GRIK5: variants seen among roughly 807,000 people sequenced by gnomAD.
GRIK5 encodes the protein glutamate ionotropic receptor kainate type subunit 5.
Under a neutral mutation model 97.4 loss-of-function variants are expected in GRIK5, and 43 were observed. That is an observed-to-expected ratio of 0.44 (90% CI 0.35 to 0.57). The LOEUF (loss-of-function observed/expected upper bound fraction) is 0.57. Among genes scored for constraint, GRIK5 ranks in the 20% least tolerant of loss-of-function variants. The probability of loss-of-function intolerance (pLI) is 0.01; values close to 1 mark genes in which losing one functional copy is unlikely to be tolerated. For missense variants in GRIK5, 1,015 were observed against 1,382.0 expected, an observed-to-expected ratio of 0.73 and a Z score of 4.21; for synonymous variants, 580 against 583.5, an observed-to-expected ratio of 0.99 and a Z score of 0.09.
Position 42,006,376 on chromosome 19 carries a change from C to T in GRIK5, c.2037+269G>A, listed in dbSNP as rs953094505. On this transcript the variant is annotated intron_variant, in intron 16 of 19. Coordinates refer to ENST00000593562, the MANE Select transcript of GRIK5 (RefSeq NM_002088.5). This position sits in a 1 kb window ranked among gnomAD's most constrained non-coding sequence, Gnocchi z 5.3. ...CTCTGTCAGCCCATATTCCTGGTCC[C>T]GACCCTTCCAGCAGCCTCCTTGATC... Among the ~76,000 whole-genome samples the T allele has an allele frequency of 1.3e-5, 2 of 152,166 alleles. No homozygotes were observed. The highest frequency in any genetic ancestry group is 6.5e-5 in the Admixed American group (1 of 15,280).
chr19:42,059,582 G>A (rs551278509), intron 5 of GRIK5, 55 bp from the exon 6 acceptor site: 21 of 1,454,602 alleles, frequency 1.4e-5, no homozygotes, highest in South Asian at 4.7e-5. Context: ...CAGGCATGGC[G>A]TAGACACTCT....
chr19:42,051,408 C>A (rs991805623), intron 11 of GRIK5, among the ~76,000 whole-genome samples: 1 of 152,152 alleles, frequency 6.6e-6, no homozygotes, highest in Non-Finnish European at 1.5e-5. Flanking sequence ...CTAGCAGCAT[C>A]CCTCATGGGC....
rs782390593 is a variant in GRIK5 at position 42,003,671 on chromosome 19, C to T, written c.2276G>A (p.Arg759Gln). ...GIGMPLGSPF[R>Q]DEITLAILQL... is the part of the protein sequence containing the mutation. The stretch of plus-strand genomic sequence containing the variant: ...CAGGATGGCCAGTGTGATCTCATCC[C>T]GGAACGGGGAGCCTGGGCAGGCACA... Residue 759 changes from arginine (R) to glutamine (Q), a missense_variant, in exon 18 of 20, where the codon CGG (arginine) becomes CAG (glutamine). Physicochemically the swap from Arg to Gln is conservative, Grantham distance 43. This residue lies in a region of GRIK5 where 229 missense variants were observed against 341.0 expected (regional missense o/e 0.67). Transcript: ENST00000593562. The surrounding 1 kb of genome is among the most constrained non-coding windows in gnomAD (Gnocchi z 4.2). 3.7e-6 allele frequency: 6 copies of T among 1,611,578 alleles called. No homozygotes were observed. In the East Asian group the frequency reaches 8.9e-5, roughly 24 times the overall value.
At position 42,012,891 on chromosome 19, in the gene GRIK5, A is replaced by G. The variant is rs186900853; in HGVS notation, c.1872-6081T>C. ...CAAAAAAAAAAAAAAGGAATATTTT[A>G]TGACACATGACTTATATAAAATTCA... is the stretch of plus-strand genomic sequence containing the variant. On this transcript the variant is annotated intron_variant, in intron 15 of 19. Transcript: ENST00000593562. 3.9e-3 allele frequency among the ~76,000 whole-genome samples: 595 copies of G among 151,988 alleles called. 1 individual carries two copies. Among genetic ancestry groups the G allele is most frequent in the Non-Finnish European group, 6.2e-3 (421 of 67,962 alleles).
At position 42,022,926 on chromosome 19, in the gene GRIK5, C is replaced by T. The variant is rs1345159996; in HGVS notation, c.1474-572G>A. ...TCCTGGTCAGGAGACGACACTGGTA[C>T]CAAAGCACAACCCTGGATGAAGGAG... is the stretch of plus-strand genomic sequence containing the variant. On this transcript the variant is annotated intron_variant, in intron 12 of 19. Coordinates refer to ENST00000593562, the MANE Select transcript of GRIK5 (RefSeq NM_002088.5). This position sits in a 1 kb window ranked among gnomAD's most constrained non-coding sequence, Gnocchi z 4.2. Among the ~76,000 whole-genome samples the T allele has an allele frequency of 6.6e-6, 1 of 151,952 alleles. No individual in the cohort carries two copies. The highest frequency in any genetic ancestry group is 1.5e-5 in the Non-Finnish European group (1 of 68,004).
At position 42,003,213 on chromosome 19, in the gene GRIK5, C is replaced by T; in HGVS notation, c.2514+119G>A. 1.1e-6 allele frequency: 1 copy of T among 882,994 alleles called. No homozygotes were observed. Among genetic ancestry groups the T allele is most frequent in the East Asian group, 2.4e-5 (1 of 41,196 alleles). 54.7% of individuals were successfully genotyped at this position (882,994 alleles called of 1,614,324 possible). A position where few individuals can be genotyped will look rare whatever the true frequency, so the allele number is the denominator to read the frequency against. On this transcript the variant is annotated intron_variant, in intron 19 of 19. Coordinates refer to ENST00000593562, the MANE Select transcript of GRIK5 (RefSeq NM_002088.5). This position sits in a 1 kb window ranked among gnomAD's most constrained non-coding sequence, Gnocchi z 4.2. Reference sequence around the variant, plus strand: ...TTACTTCCCCACCTCCTGCATTCCTCTGCCCCCTTCTCGCGATCCCCACCA... The same window carrying T: ...TTACTTCCCCACCTCCTGCATTCCTTTGCCCCCTTCTCGCGATCCCCACCA...
Position 42,042,584 on chromosome 19 carries a change from A to C in GRIK5, c.1441T>G (p.Trp481Gly). 6.2e-7 allele frequency: 1 copy of C among 1,611,898 alleles called. No individual in the cohort carries two copies. Among genetic ancestry groups the C allele is most frequent in the Non-Finnish European group, 8.5e-7 (1 of 1,179,782 alleles). The change falls in exon 12 of 20, where the codon TGG (tryptophan) becomes GGG (glycine). Residue 481 changes from tryptophan to glycine, a missense_variant. By Grantham distance (184) the Trp-to-Gly change is radical (BLOSUM62 -2). Around this residue, in one of 5 missense-constraint regions of GRIK5, gnomAD observed 477 missense variants for 701.1 expected, o/e 0.68. Transcript: ENST00000593562. The surrounding 1 kb of genome is among the most constrained non-coding windows in gnomAD (Gnocchi z 6.9). ...LYGAPEPNGS[W>G]TGMVGELINR... ...ATGAGCTCGCCAACCATGCCCGTCC[A>C]GGAGCCGTTGGGCTCGGGCGCCCCG... is the stretch of plus-strand genomic sequence containing the variant.
chr19:42,065,783 C>T lies in GRIK5; in HGVS notation c.-13G>A, dbSNP rs1420833666. ...GCTCAGCCGGCATCTTCCTCCCCTCCTCATGGGGACGCAGCTGCCGCGGCC... is the reference window on the plus strand; with the variant it reads ...GCTCAGCCGGCATCTTCCTCCCCTCTTCATGGGGACGCAGCTGCCGCGGCC... On this transcript the variant is annotated 5_prime_UTR_variant, in exon 2 of 20. Transcript: ENST00000593562. The surrounding 1 kb of genome is among the most constrained non-coding windows in gnomAD (Gnocchi z 5.8). 7 of 1,562,974 alleles carry T rather than the reference C, an allele frequency of 4.5e-6. No individual in the cohort carries two copies. The highest frequency in any genetic ancestry group is 1.7e-4 in the Middle Eastern group (1 of 5,974).
At chr19:42,039,685 C>T (rs1366408203) in intron 12 of GRIK5, among the ~76,000 whole-genome samples, 1 of 152,088 alleles carries the variant, frequency 6.6e-6, no homozygotes, top group Non-Finnish European at 1.5e-5. Context: ...TATGTGCTGG[C>T]CATGCTGGTA....
At chr19:42,048,179 AG>A (rs1275549714) in intron 11 of GRIK5, among the ~76,000 whole-genome samples, 1 of 152,158 alleles carries the variant, frequency 6.6e-6, no homozygotes, top group Middle Eastern at 3.2e-3. Context: ...AAAGGAAAAA[AG>A]CTGATGAAGA....
chr19:42,058,173 G>C (rs1283333848), intron 6 of GRIK5, among the ~76,000 whole-genome samples: 1 of 151,970 alleles, frequency 6.6e-6, no homozygotes. Context: ...TGATATATGG[G>C]TTTGTTTGTT....
chr19:42,014,676 G>A (rs943154999), intron 15 of GRIK5, among the ~76,000 whole-genome samples: 4 of 152,068 alleles, frequency 2.6e-5, no homozygotes, highest in Non-Finnish European at 1.5e-5. Context: ...CCAGCTGCTT[G>A]GGAGGCTGAG....
At chr19:42,035,735 T>C (rs1423963565) in intron 12 of GRIK5, among the ~76,000 whole-genome samples, 2 of 152,112 alleles carry the variant, frequency 1.3e-5, no homozygotes, top group Non-Finnish European at 2.9e-5. Context: ...TTTAAAGATG[T>C]ACCTGTATTA....
Position 42,003,318 on chromosome 19 carries a change from CCCAG to C in GRIK5, c.2514+10_2514+13del, listed in dbSNP as rs1733989674. 6.2e-7 allele frequency: 1 copy of C among 1,607,252 alleles called. No homozygotes were observed. Reference sequence around the variant, plus strand: ...GTCCCTGTTCCTGCCCACCCCCACCCCCAGCCTCCTCACCTCCTCGGACTCAGCT... The same window carrying C: ...GTCCCTGTTCCTGCCCACCCCCACCCCCTCCTCACCTCCTCGGACTCAGCT... On this transcript the variant is annotated intron_variant, in intron 19 of 19. Transcript: ENST00000593562. The surrounding 1 kb of genome is among the most constrained non-coding windows in gnomAD (Gnocchi z 4.2).
At chr19:42,045,392 C>A (rs2076030916) in intron 11 of GRIK5, among the ~76,000 whole-genome samples, 1 of 152,244 alleles carries the variant, frequency 6.6e-6, no homozygotes, top group African/African-American at 2.4e-5. Flanking sequence ...CAGCCAGCAT[C>A]CACAGCCATT....
Position 42,042,493 on chromosome 19 carries a change from G to T in GRIK5, c.1473+59C>A, listed in dbSNP as rs1260438565. The T allele has an allele frequency of 6.1e-6, 9 of 1,465,896 alleles. No individual in the cohort carries two copies. The highest frequency in any genetic ancestry group is 8.4e-6 in the Non-Finnish European group (9 of 1,071,584). 90.8% of individuals were successfully genotyped at this position (1,465,896 alleles called of 1,614,324 possible). A position where few individuals can be genotyped will look rare whatever the true frequency, so the allele number is the denominator to read the frequency against. ...CTGAGGTTCGACTGGCTGCCCAGCT[G>T]CCCGCCCTCCCTCACTCGCCGGGTC... On this transcript the variant is annotated intron_variant, in intron 12 of 19. Transcript: ENST00000593562. This position sits in a 1 kb window ranked among gnomAD's most constrained non-coding sequence, Gnocchi z 6.9.
Position 41,999,238 on chromosome 19 carries a change from G to A in GRIK5, c.2576C>T (p.Ser859Leu), listed in dbSNP as rs1372063818. The change falls in exon 20 of 20, where the codon TCG becomes TTG. Residue 859 changes from serine to leucine, a missense_variant. Ser to Leu is a moderately radical substitution (Grantham distance 145, BLOSUM62 -2). Around this residue, in one of 5 missense-constraint regions of GRIK5, gnomAD observed 229 missense variants for 341.0 expected, o/e 0.67. Coordinates refer to ENST00000593562, the MANE Select transcript of GRIK5 (RefSeq NM_002088.5). The surrounding 1 kb of genome is among the most constrained non-coding windows in gnomAD (Gnocchi z 5.0). ...LRHAVSCRKT[S>L]RSRRRRRPGG... ...CGGGCGTCGGCGCCGGCGGGAACGC[G>A]ACGTCTTGCGGCAAGAAACGGCGTG... 6.6e-7 allele frequency: 1 copy of A among 1,523,194 alleles called. No individual in the cohort carries two copies. The highest frequency in any genetic ancestry group is 8.8e-7 in the Non-Finnish European group (1 of 1,142,142). The allele number at this position is 1,523,194 out of a possible 1,614,324, so 94.4% of individuals were successfully genotyped here. A position where few individuals can be genotyped will look rare whatever the true frequency, so the allele number is the denominator to read the frequency against.
Position 42,054,397 on chromosome 19 carries a change from T to A in GRIK5, c.979A>T (p.Ile327Phe). The change falls in exon 9 of 20, where the codon ATC becomes TTC. Residue 327 changes from isoleucine (I) to phenylalanine (F), a missense_variant. Transcript: ENST00000593562. Reference sequence around the variant, plus strand: ...GTACAGGCCAGAGGCTTCACACCGATCTCCTGGCTGCGGTTCAGCTCTCGG... The same window carrying A: ...GTACAGGCCAGAGGCTTCACACCGAACTCCTGGCTGCGGTTCAGCTCTCGG... ...AVRELNRSQEIGVKPLACTSA... is the reference protein window; with the variant it reads ...AVRELNRSQEFGVKPLACTSA... The A allele has an allele frequency of 6.2e-7, 1 of 1,613,664 alleles. No individual in the cohort carries two copies. The highest frequency in any genetic ancestry group is 8.5e-7 in the Non-Finnish European group (1 of 1,179,972).
At position 42,038,328 on chromosome 19, in the gene GRIK5, C is replaced by T. The variant is rs2075933852; in HGVS notation, c.1473+4224G>A. Among the ~76,000 whole-genome samples, 3 of 152,206 alleles carry T rather than the reference C, an allele frequency of 2.0e-5. 1 individual carries two copies. The highest frequency in any genetic ancestry group is 7.2e-5 in the African/African-American group (3 of 41,456). On this transcript the variant is annotated intron_variant, in intron 12 of 19. Transcript: ENST00000593562. ...AGGCCAAGGAGACCTGTGCCTGGCCCAGGGGTGACTGGCAGGATGGTGGTG... is the reference window on the plus strand; with the variant it reads ...AGGCCAAGGAGACCTGTGCCTGGCCTAGGGGTGACTGGCAGGATGGTGGTG...
Sources: gnomAD v4.1 joint callset for allele counts (sites outside exome capture counted in the v4.1 genomes callset) on GRCh38, gnomAD v4.1.1 for gene constraint, gnomAD v4.1.1 regional missense constraint, Gnocchi (gnomAD v3.1) non-coding constraint, MANE v1.5 for transcripts, NCBI Gene and HGNC (gene_info 2026-07-23, HGNC 2026-07-21) for gene names.